Variants in LINGO1 observed in about 807,000 individuals in gnomAD.
The protein encoded by LINGO1 is leucine-rich repeat and immunoglobulin-like domain-containing nogo receptor-interacting protein 1.
A neutral mutation model predicts 37.3 loss-of-function variants in LINGO1; 11 were observed. The observed-to-expected ratio is 0.29, with a 90% CI of 0.19 to 0.49. The LOEUF (loss-of-function observed/expected upper bound fraction) is 0.49. Ranked by LOEUF, LINGO1 falls within the 20% of genes least tolerant of loss-of-function variation. The probability of loss-of-function intolerance (pLI) is 0.99; values close to 1 mark genes in which losing one functional copy is unlikely to be tolerated. For missense variants in LINGO1, 585 were observed against 878.2 expected (o/e 0.67, Z 4.22); for synonymous variants, 387 against 403.0 (o/e 0.96, Z 0.48).
At chr15:77,638,610 A>G (rs16969027), upstream of LINGO1, among the ~76,000 whole-genome samples, 18,588 of 152,206 alleles carry the variant, frequency 0.12, 1,884 homozygotes, top group African/African-American at 0.28. Flanking sequence ...TCTGTTGTGC[A>G]GGAGACTTGT....
At chr15:77,694,859 T>C (rs990579419) in intron 1 of LINGO1, among the ~76,000 whole-genome samples, 28 of 152,142 alleles carry the variant, frequency 1.8e-4, no homozygotes, top group African/African-American at 6.8e-4. Context: ...CCTTCCCCTT[T>C]CCTACCAGAC....
chr15:77,819,324 C>T (rs1384489832), intron 1 of LINGO1: 2 of 151,136 alleles, frequency 1.3e-5, no homozygotes, highest in Non-Finnish European at 3.0e-5. Context: ...CATCCCCCGG[C>T]TCGGCTGCCT....
chr15:77,781,015 A>G (rs2076711761), intron 1 of LINGO1, among the ~76,000 whole-genome samples: 1 of 152,246 alleles, frequency 6.6e-6, no homozygotes, highest in Admixed American at 6.5e-5. Flanking sequence ...GGGCTGTCAT[A>G]GCAGAGAAGA....
At position 77,713,694 on chromosome 15, in the gene LINGO1, G is replaced by A. The variant is rs1257136151; in HGVS notation, c.-195+21298C>T. ...AATCAGGTTTGTGGACTGTGCCAAC[G>A]TCAGTGACCTGTCTCTGATATTGTC... On this transcript the variant is annotated intron_variant, in intron 2 of 3. Coordinates refer to the LINGO1 transcript ENST00000561686. 5.9e-5 allele frequency among the ~76,000 whole-genome samples: 9 copies of A among 152,130 alleles called. No individual in the cohort carries two copies. The East Asian group carries it at 1.2e-3, about 20-fold the overall frequency.
chr15:77,722,961 C>CTGG (rs2076065511), intron 2 of LINGO1, among the ~76,000 whole-genome samples: 1 of 152,210 alleles, frequency 6.6e-6, no homozygotes, highest in African/African-American at 2.4e-5. Flanking sequence ...CACAGCGCCC[C>CTGG]TGGAGGCTCC....
intron 3 of LINGO1, among the ~76,000 whole-genome samples, chr15:77,644,469 G>A (rs936421412): frequency 1.3e-5 from 2 of 152,230 alleles, no homozygotes; most frequent in Non-Finnish European, 2.9e-5. Context: ...ACAGGCTTGA[G>A]CATCTACCTG....
intron 1 of LINGO1, among the ~76,000 whole-genome samples, chr15:77,803,362 C>A (rs923595357): frequency 2.0e-5 from 3 of 152,010 alleles, no homozygotes. Flanking sequence ...GTGGCAGGAT[C>A]GCTTGAGCCC....
At chr15:77,664,944 C>T (rs1225060094) in intron 3 of LINGO1, among the ~76,000 whole-genome samples, 1 of 152,174 alleles carries the variant, frequency 6.6e-6, no homozygotes, top group African/African-American at 2.4e-5. Flanking sequence ...CAGCTGTACA[C>T]ATATGACACA....
chr15:77,768,020 A>C (rs1444115065), intron 1 of LINGO1, among the ~76,000 whole-genome samples: 1 of 152,262 alleles, frequency 6.6e-6, no homozygotes, highest in African/African-American at 2.4e-5. Context: ...AGGAGTAGCA[A>C]ATGGCCCAGG....
chr15:77,691,798 G>A (rs946670572), intron 1 of LINGO1, among the ~76,000 whole-genome samples: 8 of 151,954 alleles, frequency 5.3e-5, no homozygotes, highest in Non-Finnish European at 8.8e-5. Flanking sequence ...AGCAGAGACC[G>A]GTAGTGACGC....
chr15:77,661,254 A>T (rs1467296090), intron 3 of LINGO1, among the ~76,000 whole-genome samples: 2 of 152,046 alleles, frequency 1.3e-5, no homozygotes, highest in Admixed American at 6.5e-5. Flanking sequence ...ATCTCGCATG[A>T]GTGGTGGGAT....
At chr15:77,796,700 G>C (rs2076876141) in intron 1 of LINGO1, among the ~76,000 whole-genome samples, 1 of 120,860 alleles carries the variant, frequency 8.3e-6, no homozygotes, top group African/African-American at 3.0e-5. Flanking sequence ...CCATTCCCCA[G>C]CCTCTCCTGC....
chr15:77,665,910 C>A (rs950701999), intron 3 of LINGO1, among the ~76,000 whole-genome samples: 1 of 152,232 alleles, frequency 6.6e-6, no homozygotes, highest in East Asian at 1.9e-4. Flanking sequence ...CTCTCTCCCC[C>A]ATCCCAGCCA....
chr15:77,680,174 A>G (rs930716359), intron 2 of LINGO1, among the ~76,000 whole-genome samples: 3 of 152,234 alleles, frequency 2.0e-5, no homozygotes, highest in Non-Finnish European at 4.4e-5. Context: ...AGGGGCTACA[A>G]GATGATGGAG....
chr15:77,676,680 G>A (rs1335459448), intron 3 of LINGO1, among the ~76,000 whole-genome samples: 2 of 152,208 alleles, frequency 1.3e-5, no homozygotes, highest in East Asian at 1.9e-4. Context: ...AAAGGCAGGT[G>A]AAGGCAAAGG....
intron 3 of LINGO1, among the ~76,000 whole-genome samples, chr15:77,659,846 CTGGGGTGGGG>C (rs59076159): frequency 3.2e-5 from 1 of 31,476 alleles, no homozygotes. Context: ...GCGGGAGAGG[CTGGGGTGGGG>C]TGGGGTGGGG....
chr15:77,786,681 G>A (rs766263557), intron 1 of LINGO1, among the ~76,000 whole-genome samples: 1 of 152,146 alleles, frequency 6.6e-6, no homozygotes, highest in African/African-American at 2.4e-5. Context: ...CCATCTCCTC[G>A]AATGACCTTG....
chr15:77,619,554 G>A (rs1450962934), intron 1 of LINGO1, among the ~76,000 whole-genome samples: 2 of 151,862 alleles, frequency 1.3e-5, no homozygotes, highest in Non-Finnish European at 2.9e-5. Flanking sequence ...GGCATGGTGG[G>A]GTGCACCTAT....
chr15:77,645,359 C>T (rs2074602375), intron 3 of LINGO1, among the ~76,000 whole-genome samples: 1 of 152,196 alleles, frequency 6.6e-6, no homozygotes, highest in Non-Finnish European at 1.5e-5. Context: ...GGAGGCATGG[C>T]CCTGAGGCCC....
Sources: gnomAD v4.1 joint callset for allele counts (sites outside exome capture counted in the v4.1 genomes callset) on GRCh38, gnomAD v4.1.1 for gene constraint, MANE v1.5 for transcripts, NCBI Gene and HGNC (gene_info 2026-07-23, HGNC 2026-07-21) for gene names.